Variants in CLIC5 observed in about 807,000 individuals in gnomAD.
CLIC5 encodes chloride intracellular channel protein 5.
In CLIC5, 20 loss-of-function variants were observed where a neutral mutation model predicts 24.7. The ratio of observed to expected loss-of-function variants is 0.81; its 90% CI spans 0.57 to 1.18. The LOEUF is 1.18. CLIC5 is among the 50% of genes most tolerant of loss of function. CLIC5 has a pLI of 0.00. For synonymous variants in CLIC5, 159 were observed against 135.6 expected (o/e 1.17, Z -1.20); for missense variants, 341 against 326.1 (o/e 1.05, Z -0.35).
the CLIC5 span, among the ~76,000 whole-genome samples, chr6:46,085,692 G>GT: frequency 6.6e-6 from 1 of 152,180 alleles, no homozygotes; most frequent in South Asian, 2.1e-4. Flanking sequence ...CTACTGGGGG[G>GT]TGCCTCCCAG....
At chr6:45,987,618 G>T (rs1159549699) in intron 1 of CLIC5, among the ~76,000 whole-genome samples, 1 of 152,214 alleles carries the variant, frequency 6.6e-6, no homozygotes, top group East Asian at 1.9e-4. Context: ...AGTTCTGGAA[G>T]CTGGGAAATC....
At chr6:46,120,650 T>C in the CLIC5 span, among the ~76,000 whole-genome samples, 5 of 152,096 alleles carry the variant, frequency 3.3e-5, no homozygotes, top group Non-Finnish European at 5.9e-5. Context: ...AAGGAGGAAG[T>C]ACGAACCCAT....
intron 1 of CLIC5, among the ~76,000 whole-genome samples, chr6:45,982,685 G>A (rs542082734): frequency 2.2e-4 from 33 of 152,248 alleles, no homozygotes; most frequent in African/African-American, 7.5e-4. Flanking sequence ...GGGGTCCGTC[G>A]TTGGCTGAAA....
At chr6:45,955,701 C>A (rs541004265) in intron 1 of CLIC5, among the ~76,000 whole-genome samples, 2 of 152,208 alleles carry the variant, frequency 1.3e-5, no homozygotes, top group Admixed American at 6.5e-5. Context: ...CCTTCGGCTA[C>A]CTAGCCAAAA....
rs544125189 is a variant in CLIC5 at position 46,015,748 on chromosome 6, C to T, written c.-206G>A. ...GATGCTCACATGAAAAGGAGCGAAG[C>T]CGGGAGGAGGCGGGGGGCCACGGGG... On this transcript the variant is annotated 5_prime_UTR_variant, in exon 1 of 6. Coordinates refer to ENST00000339561, the MANE Select transcript of CLIC5 (RefSeq NM_016929.5). 22 of 1,235,552 alleles carry T rather than the reference C, an allele frequency of 1.8e-5. No homozygotes were observed. The East Asian group carries it at 4.8e-4, about 27-fold the overall frequency. The allele number at this position is 1,235,552 out of a possible 1,614,324, so 76.5% of individuals were successfully genotyped here. A position where few individuals can be genotyped will look rare whatever the true frequency, so the allele number is the denominator to read the frequency against.
intron 6 of CLIC5, among the ~76,000 whole-genome samples, chr6:45,886,723 G>A (rs1261558489): frequency 6.6e-6 from 1 of 152,160 alleles, no homozygotes; most frequent in Non-Finnish European, 1.5e-5. Context: ...AGTCTCTGGA[G>A]AGCTCAAAGG....
chr6:46,117,688 A>T, the CLIC5 span, among the ~76,000 whole-genome samples: 1 of 152,254 alleles, frequency 6.6e-6, no homozygotes, highest in African/African-American at 2.4e-5. Flanking sequence ...ATGACCAATG[A>T]TTAGAAACAA....
chr6:46,102,737 TG>T, the CLIC5 span: 2 of 152,394 alleles, frequency 1.3e-5, no homozygotes, highest in South Asian at 2.1e-4. Context: ...ATTTCTGGAT[TG>T]TTTTTTTAAA....
At chr6:45,945,960 G>A (rs1322423957) in intron 3 of CLIC5, among the ~76,000 whole-genome samples, 3 of 152,172 alleles carry the variant, frequency 2.0e-5, no homozygotes. Flanking sequence ...TTTTATTACA[G>A]CATCTATGTG....
chr6:46,079,997 G>T (rs778503383), exon 1 of CLIC5: 2 of 1,551,670 alleles, frequency 1.3e-6, no homozygotes, highest in South Asian at 2.4e-5. Context: ...CATCAGGCAG[G>T]AGGTAGCCTC....
At chr6:46,121,528 G>A in the CLIC5 span, among the ~76,000 whole-genome samples, 1 of 152,116 alleles carries the variant, frequency 6.6e-6, no homozygotes, top group Non-Finnish European at 1.5e-5. Context: ...ATCAACTAAC[G>A]AGCAAAATAA....
upstream of CLIC5, among the ~76,000 whole-genome samples, chr6:46,019,617 C>T (rs1281176810): frequency 2.1e-5 from 3 of 141,636 alleles, no homozygotes; most frequent in Non-Finnish European, 4.5e-5. Flanking sequence ...ACCCGGGAAG[C>T]GGAGCTTGCA....
At chr6:45,918,539 T>C (rs1451626017) in intron 4 of CLIC5, among the ~76,000 whole-genome samples, 1 of 152,220 alleles carries the variant, frequency 6.6e-6, no homozygotes, top group African/African-American at 2.4e-5. Context: ...AGGTGGTCTT[T>C]GAAAGAATGA....
In CLIC5 at chr6:46,057,343, T is replaced by A. The variant is rs190601583; in HGVS notation, c.540+22360A>T. 1.2e-4 allele frequency among the ~76,000 whole-genome samples: 18 copies of A among 152,334 alleles called. No homozygotes were observed. The East Asian group carries it at 3.3e-3, about 28-fold the overall frequency. On this transcript the variant is annotated intron_variant, in intron 1 of 5. Transcript: ENST00000185206. ...TATCAGGAATTTCTGCTTTTGCTTC[T>A]TCCTCATTTTCTCTGGCCACCGCCA...
At chr6:45,948,734 G>A (rs1054217466) in intron 3 of CLIC5, among the ~76,000 whole-genome samples, 1 of 152,102 alleles carries the variant, frequency 6.6e-6, no homozygotes, top group East Asian at 1.9e-4. Context: ...CCCTGAACCT[G>A]TTTGCAGAAG....
chr6:45,881,277 GA>G, intron 6 of CLIC5: 1 of 396,886 alleles, frequency 2.5e-6, no homozygotes, highest in Non-Finnish European at 4.4e-6. Flanking sequence ...ATGCAAGCAT[GA>G]AGGATATTAC....
At chr6:46,093,678 A>T in the CLIC5 span, among the ~76,000 whole-genome samples, 41 of 152,342 alleles carry the variant, frequency 2.7e-4, no homozygotes, top group East Asian at 6.0e-3. Context: ...GTTGGTAGGA[A>T]TGTAAGATAA....
the CLIC5 span, among the ~76,000 whole-genome samples, chr6:46,089,144 T>C: frequency 6.6e-6 from 1 of 152,178 alleles, no homozygotes; most frequent in East Asian, 1.9e-4. Context: ...GAAGGCAAAT[T>C]ACAGAATTGT....
intron 3 of CLIC5, among the ~76,000 whole-genome samples, chr6:45,944,794 A>G (rs1242049119): frequency 1.3e-5 from 2 of 152,166 alleles, no homozygotes; most frequent in African/African-American, 4.8e-5. Context: ...ACCCTGGAGA[A>G]AAAGAAAGAC....
Sources: allele counts gnomAD v4.1 joint callset (sites outside exome capture counted in the v4.1 genomes callset), GRCh38; gene constraint gnomAD v4.1.1; transcripts MANE v1.5; gene names NCBI Gene and HGNC (gene_info 2026-07-23, HGNC 2026-07-21).